The following TAB3 variants were observed in gnomAD, a reference collection of about 807,000 sequenced individuals.
TAB3 encodes TGF-beta-activated kinase 1 and MAP3K7-binding protein 3.
TAB3 carries 18 observed loss-of-function variants against 48.1 expected under a neutral mutation model. The observed-to-expected ratio is 0.37, with a 90% CI of 0.26 to 0.55. TAB3 has a LOEUF of 0.55. Ranked by LOEUF, TAB3 falls within the 20% of genes least tolerant of loss-of-function variation. TAB3 has a pLI of 0.78. For synonymous variants in TAB3, 185 were observed against 190.2 expected (o/e 0.97, Z 0.22); for missense variants, 414 against 549.8 (o/e 0.75, Z 2.47).
chrX:30,866,910 T>G lies in TAB3; in HGVS notation c.-91+205A>C, dbSNP rs1202435441. 5.7e-5 allele frequency among the ~76,000 whole-genome samples: 6 copies of G among 104,908 alleles called. No individual in the cohort carries two copies. The East Asian group carries it at 1.8e-3, about 32-fold the overall frequency. The allele number at this position is 104,908 out of a possible 115,157, so 91.1% of individuals were successfully genotyped here. On this transcript the variant is annotated intron_variant, in intron 4 of 10. Coordinates refer to ENST00000288422, the MANE Select transcript of TAB3 (RefSeq NM_152787.5). ...AAAAAAAGATTACAGTGAAGAAACC[T>G]GACAAACACGTTCTCAGCCAGGTGA... is the stretch of plus-strand genomic sequence containing the variant.
rs184593079 is a variant in TAB3, at chrX:30,851,124, T to C, written c.1710+1654A>G. On this transcript the variant is annotated intron_variant, in intron 7 of 10. Coordinates refer to ENST00000288422, the MANE Select transcript of TAB3 (RefSeq NM_152787.5). ...ATTAACATCACCTTTCCATTAAAGATAACTTTGTTATTTTCCAGTGCTTTA... is the reference window on the plus strand; with the variant it reads ...ATTAACATCACCTTTCCATTAAAGACAACTTTGTTATTTTCCAGTGCTTTA... Among the ~76,000 whole-genome samples, 8 of 112,524 alleles carry C rather than the reference T, an allele frequency of 7.1e-5. No homozygotes were observed. The Admixed American group carries it at 7.5e-4, about 11-fold the overall frequency.
At chrX:30,832,945 A>T (rs1938066992) in intron 10 of TAB3, among the ~76,000 whole-genome samples, 1 of 109,926 alleles carries the variant, frequency 9.1e-6, no homozygotes, top group Admixed American at 9.7e-5. Flanking sequence ...TTGGAGGAAA[A>T]ATGTTTACTA....
chrX:30,877,089 G>A (rs761542321), intron 1 of TAB3, among the ~76,000 whole-genome samples: 32 of 111,731 alleles, frequency 2.9e-4, no homozygotes, highest in Non-Finnish European at 5.6e-4. Context: ...CTGATGGAGG[G>A]GCAGCAGGGG....
intron 1 of TAB3, among the ~76,000 whole-genome samples, chrX:30,883,484 C>CT (rs199883292): frequency 0.093 from 10,307 of 111,276 alleles, 1,141 homozygotes; most frequent in African/African-American, 0.32. Flanking sequence ...GATAAGCACT[C>CT]TGAGTGGACA....
In TAB3 at chrX:30,855,129, G is replaced by A. The variant is rs768947765; in HGVS notation, c.536C>T (p.Pro179Leu). The A allele has an allele frequency of 9.1e-6, 11 of 1,211,580 alleles. No homozygotes were observed. The South Asian group carries it at 1.1e-4, about 12-fold the overall frequency. Reference sequence around the variant, plus strand: ...TATGTGCATGTATGAAGGAGGTGGCGGTGGTGGTGAAGGCCCTTGCATAGC... The same window carrying A: ...TATGTGCATGTATGAAGGAGGTGGCAGTGGTGGTGAAGGCCCTTGCATAGC... ...PSAMQGPSPP[P>L]PPPSYMHIPR... The change falls in exon 6 of 11, where the codon CCG (proline) becomes CTG (leucine). Residue 179 changes from proline to leucine, a missense_variant. By Grantham distance (98) the Pro-to-Leu change is moderately conservative. Coordinates refer to ENST00000288422, the MANE Select transcript of TAB3 (RefSeq NM_152787.5).
Position 30,843,430 on chromosome X carries a change from GAAAGAACACTTAAAT to G in TAB3, c.1805-396_1805-382del, listed in dbSNP as rs767806549. 3.3e-3 allele frequency: 377 copies of G among 114,705 alleles called. 1 individual carries two copies. Among genetic ancestry groups the G allele is most frequent in the Non-Finnish European group, 5.1e-3 (285 of 55,421 alleles). The allele number at this position is 114,705 out of a possible 1,213,427, so 9.5% of individuals were successfully genotyped here. Reference sequence around the variant, plus strand: ...TTGATTTTTAATGAACAAACTGTGAGAAAGAACACTTAAATAATGAAAGCTTACTTTCATATTTAT... The same window carrying G: ...TTGATTTTTAATGAACAAACTGTGAGAATGAAAGCTTACTTTCATATTTAT... On this transcript the variant is annotated intron_variant, in intron 8 of 10. Transcript: ENST00000288422.
Position 30,854,995 on chromosome X carries a change from A to G in TAB3, c.670T>C (p.Tyr224His), listed in dbSNP as rs138718384. 1 of 1,209,001 alleles carries G rather than the reference A, an allele frequency of 8.3e-7. No homozygotes were observed. Among genetic ancestry groups the G allele is most frequent in the African/African-American group, 1.8e-5 (1 of 57,062 alleles). ...ATATAAATAGAACCAGGAGACCCATAGAGATTGCTTGGAATTTGTGGAAGA... is the reference window on the plus strand; with the variant it reads ...ATATAAATAGAACCAGGAGACCCATGGAGATTGCTTGGAATTTGTGGAAGA... ...QILPQIPSNL[Y>H]GSPGSIYIRQ... The change falls in exon 6 of 11, where the codon TAT becomes CAT. Residue 224 changes from tyrosine to histidine, a missense_variant. Coordinates refer to ENST00000288422, the MANE Select transcript of TAB3 (RefSeq NM_152787.5).
chrX:30,855,516 C>T lies in TAB3; in HGVS notation c.149G>A (p.Ser50Asn), dbSNP rs1939034247. The T allele has an allele frequency of 8.3e-7, 1 of 1,205,858 alleles. No homozygotes were observed. Among genetic ancestry groups the T allele is most frequent in the Non-Finnish European group, 1.1e-6 (1 of 892,256 alleles). The change falls in exon 6 of 11, where the codon AGT (serine) becomes AAT (asparagine). Residue 50 changes from serine (S) to asparagine (N), a missense_variant. Physicochemically the swap from Ser to Asn is conservative, Grantham distance 46. Transcript: ENST00000288422. The stretch of plus-strand genomic sequence containing the variant: ...GTATTCCATATATAAGTATTTGCTA[C>T]TCTCCTGGGAAAGGGCTCGGCAACA... ...EACCRALSQE[S>N]SKYLYMEYHS...
At chrX:30,839,839 A>C (rs1477126034) in intron 9 of TAB3, among the ~76,000 whole-genome samples, 2 of 106,158 alleles carry the variant, frequency 1.9e-5, no homozygotes, top group Non-Finnish European at 1.9e-5. Context: ...CCACCAGTGA[A>C]TCTATCTGGA....
chrX:30,852,779 G>T lies in TAB3; in HGVS notation c.1709C>A (p.Thr570Lys). The T allele has an allele frequency of 8.3e-7, 1 of 1,209,043 alleles. No individual in the cohort carries two copies. The highest frequency in any genetic ancestry group is 1.1e-6 in the Non-Finnish European group (1 of 894,191). ...AACACATCCTAACAGATCACTTACC[G>T]TAGGGATCGCAGTGGTGCAGCTGAC... ...RRVSCTTAIP[T>K]PEEMTRLRSM... Residue 570 changes from threonine to lysine, a missense_variant and splice_region_variant, in exon 7 of 11, where the codon ACG becomes AAG. Coordinates refer to ENST00000288422, the MANE Select transcript of TAB3 (RefSeq NM_152787.5).
chrX:30,853,815 C>G (rs1254888681), intron 6 of TAB3, among the ~76,000 whole-genome samples: 1 of 111,719 alleles, frequency 9.0e-6, no homozygotes, highest in Non-Finnish European at 1.9e-5. Flanking sequence ...GCTGGGATTG[C>G]AGGCATGCGC....
In TAB3 at chrX:30,833,708, G is replaced by A. The variant is rs189721867; in HGVS notation, c.1990+343C>T. 9.2e-5 allele frequency among the ~76,000 whole-genome samples: 10 copies of A among 108,382 alleles called. No homozygotes were observed. In the East Asian group the frequency reaches 2.6e-3, roughly 29 times the overall value. The allele number at this position is 108,382 out of a possible 115,157, so 94.1% of individuals were successfully genotyped here. A position where few individuals can be genotyped will look rare whatever the true frequency, so the allele number is the denominator to read the frequency against. On this transcript the variant is annotated intron_variant, in intron 10 of 10. Transcript: ENST00000288422. Reference sequence around the variant, plus strand: ...TAGCCGGGCGTGGTGGCAGGCACCTGTAGTCCCAGCTACACAGGAGGCTGA... The same window carrying A: ...TAGCCGGGCGTGGTGGCAGGCACCTATAGTCCCAGCTACACAGGAGGCTGA...
intron 10 of TAB3, 122 bp downstream of exon 10, chrX:30,833,929 C>T (rs1938109581): frequency 1.7e-6 from 1 of 580,954 alleles, no homozygotes; most frequent in Admixed American, 3.1e-5. Context: ...GACAGCACAG[C>T]CTTAGAAACT....
At position 30,828,973 on chromosome X, in the gene TAB3, C is replaced by T. The variant is rs1937954721; in HGVS notation, c.*2454G>A. Reference sequence around the variant, plus strand: ...ATTTATCAGTGTCAAGTCATTTTGCCTATTTTAAAACTGAATACAGCCTAT... The same window carrying T: ...ATTTATCAGTGTCAAGTCATTTTGCTTATTTTAAAACTGAATACAGCCTAT... On this transcript the variant is annotated 3_prime_UTR_variant, in exon 11 of 11. Coordinates refer to ENST00000288422, the MANE Select transcript of TAB3 (RefSeq NM_152787.5). The T allele has an allele frequency of 8.9e-6, 1 of 112,009 alleles. No individual in the cohort carries two copies. Among genetic ancestry groups the T allele is most frequent in the South Asian group, 3.7e-4 (1 of 2,708 alleles). The allele number at this position is 112,009 out of a possible 1,213,427, so 9.2% of individuals were successfully genotyped here.
Position 30,855,447 on chromosome X carries a change from T to C in TAB3, c.218A>G (p.His73Arg). 4 of 1,211,602 alleles carry C rather than the reference T, an allele frequency of 3.3e-6. No homozygotes were observed. The highest frequency in any genetic ancestry group is 1.8e-5 in the South Asian group (1 of 56,934). ...AGGAGAATGGATACCCAGGTTAATA[T>C]GTAAAAGGCGATTTCTATTCATCCT... The part of the protein sequence containing the change: ...DNRMNRNRLL[H>R]INLGIHSPSS... Residue 73 changes from histidine to arginine, a missense_variant, in exon 6 of 11, where the codon CAT (histidine) becomes CGT (arginine). By Grantham distance (29) the His-to-Arg change is conservative (BLOSUM62 0). Coordinates refer to ENST00000288422, the MANE Select transcript of TAB3 (RefSeq NM_152787.5).
chrX:30,853,240 C>T (rs957612407), intron 6 of TAB3, among the ~76,000 whole-genome samples: 21 of 112,204 alleles, frequency 1.9e-4, no homozygotes, highest in African/African-American at 6.8e-4. Flanking sequence ...TTCTTATATA[C>T]TGAAAGAAAA....
chrX:30,888,142 G>T (rs1279251772), intron 1 of TAB3, among the ~76,000 whole-genome samples: 2 of 112,260 alleles, frequency 1.8e-5, no homozygotes, highest in African/African-American at 6.5e-5. Context: ...CTAAAGCAAA[G>T]AAAAAAGTAA....
intron 4 of TAB3, among the ~76,000 whole-genome samples, chrX:30,863,507 T>G (rs1398392452): frequency 1.8e-5 from 2 of 112,098 alleles, no homozygotes; most frequent in African/African-American, 6.5e-5. Flanking sequence ...AGAGCCCTTG[T>G]AAATGGTTAA....
intron 1 of TAB3, among the ~76,000 whole-genome samples, chrX:30,880,220 T>C (rs956880892): frequency 1.8e-5 from 2 of 111,624 alleles, no homozygotes; most frequent in Non-Finnish European, 3.8e-5. Context: ...GGGCCAAGAA[T>C]AGCGAAGATG....
Sources: allele counts gnomAD v4.1 joint callset (sites outside exome capture counted in the v4.1 genomes callset), GRCh38; gene constraint gnomAD v4.1.1; transcripts MANE v1.5; gene names NCBI Gene and HGNC (gene_info 2026-07-23, HGNC 2026-07-21).